Variants in FBXL3 observed in about 807,000 individuals in gnomAD.
FBXL3 encodes F-box and leucine rich repeat protein 3.
In FBXL3, 14 loss-of-function variants were observed where a neutral mutation model predicts 37.9. The observed-to-expected ratio is 0.37, with a 90% CI of 0.24 to 0.58. The LOEUF is 0.58. FBXL3 is among the 20% of genes least tolerant of loss of function. The pLI is 0.74. For synonymous variants in FBXL3, 194 were observed against 180.1 expected, an observed-to-expected ratio of 1.08 and a Z score of -0.62; for missense variants, 327 against 511.1, an observed-to-expected ratio of 0.64 and a Z score of 3.47.
intron 4 of FBXL3, 57 bp downstream of exon 4, chr13:77,015,352 A>G: frequency 5.5e-6 from 7 of 1,277,522 alleles, no homozygotes; most frequent in Non-Finnish European, 7.3e-6. Flanking sequence ...AGTTTTTTCT[A>G]ATTTGAACAT....
At chr13:77,021,426 T>C in intron 2 of FBXL3, 87 bp downstream of exon 2, 1 of 1,017,520 alleles carries the variant, frequency 9.8e-7, no homozygotes, top group Non-Finnish European at 1.4e-6. Context: ...AAAGCAAATA[T>C]TTTAAAGGCA....
At chr13:77,017,529 G>A (rs2034666550) in intron 3 of FBXL3, 1 of 151,980 alleles carries the variant, frequency 6.6e-6, no homozygotes, top group Admixed American at 6.6e-5. Context: ...GAATCACCCC[G>A]AATTTGAAAA....
chr13:77,026,239 G>A, intron 1 of FBXL3: 4 of 985,322 alleles, frequency 4.1e-6, no homozygotes, highest in Non-Finnish European at 4.8e-6. Flanking sequence ...CCCACCTAAA[G>A]GACTGCCCAC....
intron 4 of FBXL3, chr13:77,012,961 G>C (rs543293187): frequency 1.0e-4 from 16 of 152,408 alleles, no homozygotes; most frequent in African/African-American, 3.9e-4. Context: ...TTTTAGTAGA[G>C]ACGGGCTTTC....
intron 1 of FBXL3, among the ~76,000 whole-genome samples, chr13:77,022,218 C>A (rs1249150932): frequency 6.6e-6 from 1 of 152,126 alleles, no homozygotes; most frequent in Non-Finnish European, 1.5e-5. Flanking sequence ...GAACCTACAG[C>A]GATACTTTGT....
intron 1 of FBXL3, among the ~76,000 whole-genome samples, chr13:77,023,914 A>T (rs1486262021): frequency 2.0e-5 from 3 of 152,256 alleles, no homozygotes; most frequent in Non-Finnish European, 2.9e-5. Context: ...TCTGACCTTA[A>T]TGCCATGAAA....
chr13:77,025,846 A>G (rs921670840), intron 1 of FBXL3, among the ~76,000 whole-genome samples: 1 of 152,202 alleles, frequency 6.6e-6, no homozygotes, highest in Admixed American at 6.5e-5. Flanking sequence ...TAAAAAGCCT[A>G]TTTTGGCATC....
At chr13:77,023,125 TTCATTCATTCATTCCGTTCAC>T (rs375794143) in intron 1 of FBXL3, among the ~76,000 whole-genome samples, 5,683 of 152,132 alleles carry the variant, frequency 0.037, 215 homozygotes, top group East Asian at 0.14. Context: ...CAGAGAATGA[TTCATTCATTCATTCCGTTCAC>T]TCATTCATTC....
rs969403892 is a variant in FBXL3 at position 77,026,955 on chromosome 13, C to G, written c.-130G>C. On this transcript the variant is annotated 5_prime_UTR_variant, in exon 1 of 5. Coordinates refer to ENST00000355619, the MANE Select transcript of FBXL3 (RefSeq NM_012158.4). Reference sequence around the variant, plus strand: ...TCGCGCTCCCGCAGCCGCGGCCCCCCGCGCTCCGCCCGCATCCGAGGCGCT... The same window carrying G: ...TCGCGCTCCCGCAGCCGCGGCCCCCGGCGCTCCGCCCGCATCCGAGGCGCT... 4.0e-5 allele frequency: 6 copies of G among 151,774 alleles called. No homozygotes were observed. The highest frequency in any genetic ancestry group is 1.5e-4 in the African/African-American group (6 of 41,372). The allele number at this position is 151,774 out of a possible 1,614,324, so 9.4% of individuals were successfully genotyped here. A position where few individuals can be genotyped will look rare whatever the true frequency, so the allele number is the denominator to read the frequency against.
intron 4 of FBXL3, among the ~76,000 whole-genome samples, chr13:77,011,153 A>G (rs1003676148): frequency 2.0e-5 from 3 of 152,148 alleles, no homozygotes; most frequent in Admixed American, 6.5e-5. Context: ...CAGCCTGGCC[A>G]ACACGGTGAA....
Position 77,024,109 on chromosome 13 carries a change from A to G in FBXL3, c.-1-2248T>C, listed in dbSNP as rs374553289. Among the ~76,000 whole-genome samples, 94 of 152,356 alleles carry G rather than the reference A, an allele frequency of 6.2e-4. No homozygotes were observed. The South Asian group carries it at 0.019, about 31-fold the overall frequency. ...GATGGAAGACTGGAAATTATGTGTG[A>G]CTTGAGATTAGTTTTTTTTTAATAA... is the stretch of plus-strand genomic sequence containing the variant. On this transcript the variant is annotated intron_variant, in intron 1 of 4. Transcript: ENST00000355619.
At chr13:77,023,345 A>AGAGTGTGTGTGTGT (rs199568005) in intron 1 of FBXL3, among the ~76,000 whole-genome samples, 1 of 147,502 alleles carries the variant, frequency 6.8e-6, no homozygotes, top group African/African-American at 2.5e-5. Context: ...AGAGAGAGAG[A>AGAGTGTGTGTGTGT]GTGTGTGTGT....
At chr13:77,007,901 A>T in intron 4 of FBXL3, 113 bp from the exon 5 acceptor site, 1 of 779,738 alleles carries the variant, frequency 1.3e-6, no homozygotes, top group Non-Finnish European at 2.0e-6. Flanking sequence ...CCACAAAACT[A>T]TATAATTTAA....
intron 3 of FBXL3, chr13:77,017,997 T>C (rs559066786): frequency 5.3e-5 from 8 of 152,222 alleles, no homozygotes; most frequent in African/African-American, 1.9e-4. Flanking sequence ...TTTCTAAAAA[T>C]GCACCCTTCT....
intron 2 of FBXL3, among the ~76,000 whole-genome samples, chr13:77,021,156 T>C (rs372653199): frequency 1.9e-4 from 29 of 152,368 alleles, no homozygotes; most frequent in Middle Eastern, 3.4e-3. Context: ...TCCTGTTAGA[T>C]AGAAATAGCA....
chr13:77,023,020 A>ACT (rs1207197799), intron 1 of FBXL3, among the ~76,000 whole-genome samples: 3 of 152,218 alleles, frequency 2.0e-5, no homozygotes, highest in African/African-American at 7.2e-5. Context: ...CGACTGTTGA[A>ACT]CTGTTGAGAT....
intron 4 of FBXL3, among the ~76,000 whole-genome samples, chr13:77,008,176 A>T (rs930181379): frequency 4.6e-5 from 7 of 152,226 alleles, no homozygotes; most frequent in African/African-American, 1.7e-4. Context: ...AGGCCAAAGG[A>T]CATTTTTTGA....
intron 1 of FBXL3, chr13:77,026,234 C>G (rs2034835881): frequency 1.0e-6 from 1 of 985,320 alleles, no homozygotes; most frequent in Non-Finnish European, 1.2e-6. Flanking sequence ...GCAACCCCAC[C>G]TAAAGGACTG....
chr13:77,009,858 GC>G (rs1160756916), intron 4 of FBXL3: 1 of 152,196 alleles, frequency 6.6e-6, no homozygotes, highest in African/African-American at 2.4e-5. Flanking sequence ...CAACCCAAAT[GC>G]CCATCAATGA....
Sources: gnomAD v4.1 joint callset for allele counts (sites outside exome capture counted in the v4.1 genomes callset) on GRCh38, gnomAD v4.1.1 for gene constraint, MANE v1.5 for transcripts, NCBI Gene and HGNC (gene_info 2026-07-23, HGNC 2026-07-21) for gene names.